Variants in TRIP12 observed in about 807,000 individuals in gnomAD.
TRIP12 encodes E3 ubiquitin-protein ligase TRIP12.
TRIP12 carries 25 observed loss-of-function variants against 244.2 expected under a neutral mutation model. That is an observed-to-expected ratio of 0.10 (90% CI 0.07 to 0.14). The LOEUF is 0.14. Among genes scored for constraint, TRIP12 ranks in the 10% least tolerant of loss-of-function variants. The pLI, the probability that TRIP12 is intolerant of heterozygous loss-of-function variation, is 1.00. For synonymous variants in TRIP12, 905 were observed against 873.1 expected (o/e 1.04, Z -0.64); for missense variants, 1,677 against 2,486.4 (o/e 0.67, Z 6.92).
chr2:229,915,800 C>T (rs1447614427), intron 1 of TRIP12, among the ~76,000 whole-genome samples: 2 of 152,112 alleles, frequency 1.3e-5, no homozygotes, highest in African/African-American at 4.8e-5. Flanking sequence ...CTCAAGCAAT[C>T]CTCTCACCTC....
At chr2:229,899,949 A>G (rs1423574579) in intron 1 of TRIP12, among the ~76,000 whole-genome samples, 1 of 152,246 alleles carries the variant, frequency 6.6e-6, no homozygotes, top group Non-Finnish European at 1.5e-5. Context: ...TACCAAATAT[A>G]TAGAAGGCGC....
At position 229,902,663 on chromosome 2, in the gene TRIP12, A is replaced by C. The variant is rs1214493037; in HGVS notation, c.-50+19217T>G. Among the ~76,000 whole-genome samples, 8 of 152,128 alleles carry C rather than the reference A, an allele frequency of 5.3e-5. 1 individual carries two copies. The highest frequency in any genetic ancestry group is 1.0e-4 in the Non-Finnish European group (7 of 68,022). On this transcript the variant is annotated intron_variant, in intron 1 of 41. Transcript: ENST00000675903. ...CATTTTGAGATCTTTGGTTTTTTTG[A>C]ATCTTATGGGTATTAATTTTGTGAA... is the stretch of plus-strand genomic sequence containing the variant.
chr2:229,918,556 G>A (rs2075934045), intron 1 of TRIP12, among the ~76,000 whole-genome samples: 1 of 152,048 alleles, frequency 6.6e-6, no homozygotes, highest in Admixed American at 6.6e-5. Flanking sequence ...AATAAAAAAC[G>A]TAAATGAATT....
At position 229,796,793 on chromosome 2, in the gene TRIP12, T is replaced by C. The variant is rs2042915762; in HGVS notation, c.3625-11A>G. The C allele has an allele frequency of 1.3e-6, 2 of 1,543,862 alleles. No homozygotes were observed. The highest frequency in any genetic ancestry group is 2.3e-5 in the East Asian group (1 of 43,724). Reference sequence around the variant, plus strand: ...AGCTCCACCATCCACCTGAAAGAGTTAGGAAAAGTATTTCTATATTGATTT... The same window carrying C: ...AGCTCCACCATCCACCTGAAAGAGTCAGGAAAAGTATTTCTATATTGATTT... On this transcript the variant is annotated splice_polypyrimidine_tract_variant and intron_variant, in intron 24 of 41. Coordinates refer to ENST00000675903, the MANE Select transcript of TRIP12 (RefSeq NM_001348323.3).
chr2:229,917,238 G>T (rs1013681856), intron 1 of TRIP12, among the ~76,000 whole-genome samples: 2 of 151,610 alleles, frequency 1.3e-5, no homozygotes, highest in Non-Finnish European at 1.5e-5. Flanking sequence ...AAAATTAGCT[G>T]GGCGTGGTGG....
chr2:229,794,691 ACCTCAAGAGT>A (rs1418069960), intron 26 of TRIP12, among the ~76,000 whole-genome samples: 1 of 152,114 alleles, frequency 6.6e-6, no homozygotes, highest in Non-Finnish European at 1.5e-5. Flanking sequence ...TTCCTGTAGC[ACCTCAAGAGT>A]CCTTAAAACT....
intron 4 of TRIP12, among the ~76,000 whole-genome samples, chr2:229,849,988 A>G (rs1404478522): frequency 6.6e-6 from 1 of 150,926 alleles, no homozygotes; most frequent in Non-Finnish European, 1.5e-5. Flanking sequence ...GTGATTTTGT[A>G]TTTTTCTTCT....
rs778262518 is a variant in TRIP12 at position 229,796,778 on chromosome 2, T to A, written c.3629A>T (p.Asp1210Val). Residue 1210 changes from aspartate (D) to valine (V), a missense_variant, in exon 25 of 42, where the codon GAT (aspartate) becomes GTT (valine). This residue lies in a region of TRIP12 where 572 missense variants were observed against 867.8 expected (regional missense o/e 0.66). Transcript: ENST00000675903. ...AATEQLNLQV[D>V]GGAECLVEIR... ...TTCTACAAGGCACTCAGCTCCACCA[T>A]CCACCTGAAAGAGTTAGGAAAAGTA... The A allele has an allele frequency of 3.4e-5, 53 of 1,572,874 alleles. No individual in the cohort carries two copies. Among genetic ancestry groups the A allele is most frequent in the Admixed American group, 3.0e-4 (15 of 49,462 alleles).
chr2:229,922,648 C>A, upstream of TRIP12: 1 of 1,604,156 alleles, frequency 6.2e-7, no homozygotes, highest in East Asian at 2.2e-5. Flanking sequence ...TCCTAACTCC[C>A]TACCTGGCCC....
intron 1 of TRIP12, among the ~76,000 whole-genome samples, chr2:229,885,127 A>G (rs773713386): frequency 1.2e-4 from 19 of 152,146 alleles, no homozygotes; most frequent in Non-Finnish European, 1.9e-4. Flanking sequence ...ACAAATATTT[A>G]CCATTTTGTT....
rs188797774 is a variant in TRIP12 at position 229,904,800 on chromosome 2, G to A, written c.-50+17080C>T. ...AGGATCCTGGAACAGAAAGACATTA[G>A]GTGAAAATTAAGAAAATTCAAATAA... On this transcript the variant is annotated intron_variant, in intron 1 of 41. Coordinates refer to ENST00000675903, the MANE Select transcript of TRIP12 (RefSeq NM_001348323.3). 3.9e-3 allele frequency among the ~76,000 whole-genome samples: 599 copies of A among 152,182 alleles called. 3 individuals carry two copies. The highest frequency in any genetic ancestry group is 5.5e-3 in the Non-Finnish European group (373 of 68,020).
At chr2:229,810,481 G>C (rs765873283) in intron 15 of TRIP12, among the ~76,000 whole-genome samples, 1 of 152,174 alleles carries the variant, frequency 6.6e-6, no homozygotes, top group East Asian at 1.9e-4. Flanking sequence ...TTTGAGGGAA[G>C]ACAGCATTCT....
intron 1 of TRIP12, among the ~76,000 whole-genome samples, chr2:229,881,454 G>T (rs887461150): frequency 4.6e-5 from 7 of 152,118 alleles, no homozygotes; most frequent in Admixed American, 6.6e-5. Flanking sequence ...CAAAGAGAAT[G>T]CAAATTAATC....
rs2032782414 is a variant in TRIP12, at chr2:229,768,489, A to G, written c.6007+127T>C. 17 of 787,498 alleles carry G rather than the reference A, an allele frequency of 2.2e-5. 1 individual carries two copies. The South Asian group carries it at 2.9e-4, about 13-fold the overall frequency. The allele number at this position is 787,498 out of a possible 1,614,324, so 48.8% of individuals were successfully genotyped here. ...CTGCTAGTGGTCTCAATGTACTATA[A>G]TGATACTGGAATAACTAAGAGGCAC... On this transcript the variant is annotated intron_variant, in intron 41 of 41. Coordinates refer to ENST00000675903, the MANE Select transcript of TRIP12 (RefSeq NM_001348323.3).
chr2:229,827,151 G>A (rs2051884893), intron 8 of TRIP12, among the ~76,000 whole-genome samples: 2 of 151,816 alleles, frequency 1.3e-5, no homozygotes, highest in African/African-American at 2.4e-5. Context: ...GTGGTGGCAC[G>A]TGCCTGTAGT....
chr2:229,879,153 G>C (rs977855271), intron 2 of TRIP12, among the ~76,000 whole-genome samples: 4 of 152,240 alleles, frequency 2.6e-5, no homozygotes, highest in Admixed American at 6.5e-5. Context: ...TTGGGGGACT[G>C]AGGTGGAAGG....
chr2:229,825,621 G>C (rs2051340877), intron 8 of TRIP12, among the ~76,000 whole-genome samples: 2 of 152,122 alleles, frequency 1.3e-5, no homozygotes, highest in Admixed American at 1.3e-4. Context: ...AAAACCATCG[G>C]ATCTAGTGAG....
chr2:229,774,318 TA>T (rs536200187), intron 37 of TRIP12, 57 bp from the exon 38 acceptor site: 28 of 1,506,202 alleles, frequency 1.9e-5, no homozygotes, highest in Non-Finnish European at 2.4e-5. Context: ...TACGGTTGTT[TA>T]AAAAAATAAA....
In TRIP12 at chr2:229,789,661, G is replaced by T; in HGVS notation, c.4645C>A (p.Leu1549Ile). ...CTGATAGCATGTAAAACTCTTAAAA[G>T]AAGGATCACATCTAATGACGGGTCT... ...FEDPSLDVIL[L>I]LRVLHAISRY... Residue 1549 changes from leucine to isoleucine, a missense_variant, in exon 31 of 42, where the codon CTT (leucine) becomes ATT (isoleucine). Physicochemically the swap from Leu to Ile is conservative, Grantham distance 5. Transcript: ENST00000675903. 1 of 1,614,038 alleles carries T rather than the reference G, an allele frequency of 6.2e-7. No individual in the cohort carries two copies. Among genetic ancestry groups the T allele is most frequent in the Non-Finnish European group, 8.5e-7 (1 of 1,179,956 alleles).
Sources: allele counts gnomAD v4.1 joint callset (sites outside exome capture counted in the v4.1 genomes callset), GRCh38; gene constraint gnomAD v4.1.1; regional missense constraint gnomAD v4.1.1; transcripts MANE v1.5; gene names NCBI Gene and HGNC (gene_info 2026-07-23, HGNC 2026-07-21).